The following SIL1 variants were observed in gnomAD, a reference collection of about 807,000 sequenced individuals.
The protein encoded by SIL1 is nucleotide exchange factor SIL1.
A neutral mutation model predicts 49.1 loss-of-function variants in SIL1; 40 were observed. The observed-to-expected ratio is 0.81, with a 90% confidence interval of 0.63 to 1.06. SIL1 has a LOEUF of 1.06. SIL1 is among the 50% of genes least tolerant of loss of function. SIL1 has a pLI of 0.00. For missense variants in SIL1, 500 were observed against 572.6 expected (o/e 0.87, Z 1.29); for synonymous variants, 253 against 250.8 (o/e 1.01, Z -0.08).
chr5:138,948,333 T>C lies in SIL1; in HGVS notation c.1030-860A>G, dbSNP rs1367864136. Among the ~76,000 whole-genome samples, 1 of 152,102 alleles carries C rather than the reference T, an allele frequency of 6.6e-6. No homozygotes were observed. Among genetic ancestry groups the C allele is most frequent in the Non-Finnish European group, 1.5e-5 (1 of 68,024 alleles). On this transcript the variant is annotated intron_variant, in intron 9 of 9. Transcript: ENST00000394817. This position sits in a 1 kb window ranked among gnomAD's most constrained non-coding sequence, Gnocchi z 4.8. ...AGGTATCCCCTAGTCCTTTCCTACT[T>C]CACCCCTCAGTCCTGCCAGCTTCGC...
intron 7 of SIL1, among the ~76,000 whole-genome samples, chr5:139,004,154 C>T (rs140156039): frequency 4.5e-4 from 68 of 152,244 alleles, no homozygotes; most frequent in African/African-American, 1.5e-3. Flanking sequence ...CATTATTATT[C>T]GCCTGCTTTA....
intron 1 of SIL1, among the ~76,000 whole-genome samples, chr5:139,164,060 A>G (rs923698840): frequency 6.6e-6 from 1 of 150,978 alleles, no homozygotes; most frequent in East Asian, 1.9e-4. Flanking sequence ...CAGAGGTTGC[A>G]GTAAGACAAG....
chr5:139,127,058 A>C, intron 2 of SIL1, among the ~76,000 whole-genome samples: 1 of 152,230 alleles, frequency 6.6e-6, no homozygotes, highest in Non-Finnish European at 1.5e-5. Context: ...TGCTGCAGCC[A>C]GGCCAAGCTC....
At chr5:139,118,909 C>G (rs1445207609) in intron 3 of SIL1, among the ~76,000 whole-genome samples, 1 of 152,210 alleles carries the variant, frequency 6.6e-6, no homozygotes, top group Non-Finnish European at 1.5e-5. Context: ...TCCCACCTAA[C>G]CTCCCCTCAC....
At chr5:139,056,645 G>T (rs1301617524) in intron 3 of SIL1, among the ~76,000 whole-genome samples, 1 of 142,750 alleles carries the variant, frequency 7.0e-6, no homozygotes, top group African/African-American at 2.9e-5. Flanking sequence ...GGAGGGAGGT[G>T]GGGGGGTCAG....
intron 7 of SIL1, among the ~76,000 whole-genome samples, chr5:138,977,678 C>T (rs144055116): frequency 3.9e-5 from 6 of 152,202 alleles, no homozygotes; most frequent in Non-Finnish European, 8.8e-5. Flanking sequence ...GATCTTGTTA[C>T]TCCCTTAATT....
At chr5:139,037,778 G>A (rs190197203) in intron 5 of SIL1, among the ~76,000 whole-genome samples, 1 of 152,106 alleles carries the variant, frequency 6.6e-6, no homozygotes, top group African/African-American at 2.4e-5. Flanking sequence ...TTTTATAATA[G>A]TTGTTTTAAA....
intron 3 of SIL1, among the ~76,000 whole-genome samples, chr5:139,098,748 A>G (rs1022175916): frequency 2.0e-5 from 3 of 152,008 alleles, no homozygotes; most frequent in African/African-American, 7.2e-5. Context: ...ACTATAGGAA[A>G]AACAAACTTA....
At chr5:138,985,974 C>A (rs556257905) in intron 7 of SIL1, among the ~76,000 whole-genome samples, 8 of 152,328 alleles carry the variant, frequency 5.3e-5, no homozygotes, top group Admixed American at 2.0e-4. Flanking sequence ...GGGCACCCAT[C>A]ATCCTAATGG....
rs183917313 is a variant in SIL1 at position 139,078,300 on chromosome 5, T to G, written c.245-27254A>C. On this transcript the variant is annotated intron_variant, in intron 3 of 9. Transcript: ENST00000394817. ...CTCTACCAAAAAAAAATTTTTTAAG[T>G]TACAAAGAATTATAATGGGCAAAAA... is the stretch of plus-strand genomic sequence containing the variant. Among the ~76,000 whole-genome samples, 469 of 152,052 alleles carry G rather than the reference T, an allele frequency of 3.1e-3. 1 individual carries two copies. Among genetic ancestry groups the G allele is most frequent in the African/African-American group, 0.011 (437 of 41,466 alleles).
At chr5:139,015,889 C>T (rs1768387161) in intron 7 of SIL1, among the ~76,000 whole-genome samples, 1 of 152,152 alleles carries the variant, frequency 6.6e-6, no homozygotes, top group South Asian at 2.1e-4. Context: ...TCTGCCTAAA[C>T]ATGTTGCTGC....
In SIL1 at chr5:138,947,512, G is replaced by T; in HGVS notation, c.1030-39C>A. On this transcript the variant is annotated intron_variant, in intron 9 of 9. Coordinates refer to ENST00000394817, the MANE Select transcript of SIL1 (RefSeq NM_022464.5). This position sits in a 1 kb window ranked among gnomAD's most constrained non-coding sequence, Gnocchi z 4.1. The stretch of plus-strand genomic sequence containing the variant: ...CAGCCGCAGGCCAGGTAGGGTGGGG[G>T]TGGGGAGAGAACACACAGGGAGCAG... 1 of 1,582,868 alleles carries T rather than the reference G, an allele frequency of 6.3e-7. No individual in the cohort carries two copies. Among genetic ancestry groups the T allele is most frequent in the Non-Finnish European group, 8.7e-7 (1 of 1,152,486 alleles).
chr5:139,191,375 C>T (rs1581162158), intron 1 of SIL1, among the ~76,000 whole-genome samples: 2 of 152,172 alleles, frequency 1.3e-5, no homozygotes, highest in South Asian at 4.1e-4. Flanking sequence ...TTATGTTATT[C>T]CACTGGGCTG....
chr5:139,178,394 C>A (rs540586176), intron 1 of SIL1, among the ~76,000 whole-genome samples: 2 of 152,214 alleles, frequency 1.3e-5, no homozygotes, highest in Non-Finnish European at 2.9e-5. Context: ...CACCAACTCT[C>A]CAAAGGCTTC....
chr5:139,164,013 G>A (rs1751568839), intron 1 of SIL1, among the ~76,000 whole-genome samples: 1 of 151,692 alleles, frequency 6.6e-6, no homozygotes. Flanking sequence ...CAGCTACTCG[G>A]GAGGCTAAGG....
At chr5:139,060,843 G>T (rs116431421) in intron 3 of SIL1, among the ~76,000 whole-genome samples, 2 of 152,120 alleles carry the variant, frequency 1.3e-5, no homozygotes, top group South Asian at 4.2e-4. Context: ...TTCTTGGAAC[G>T]TTAGGAAGGG....
chr5:139,035,729 A>G (rs568800766), intron 5 of SIL1: 180 of 201,420 alleles, frequency 8.9e-4, no homozygotes, highest in African/African-American at 4.1e-3. Flanking sequence ...GCTCACTGCA[A>G]GCTCCGCCTC....
At chr5:139,023,127 T>A (rs939370505) in intron 6 of SIL1, among the ~76,000 whole-genome samples, 2 of 152,244 alleles carry the variant, frequency 1.3e-5, no homozygotes, top group Non-Finnish European at 2.9e-5. Context: ...CAGACATTTA[T>A]ATAAGCACTT....
chr5:139,002,904 G>A (rs1357118503), intron 7 of SIL1, among the ~76,000 whole-genome samples: 1 of 152,146 alleles, frequency 6.6e-6, no homozygotes. Context: ...AGTGTCCTTA[G>A]GTTTGAACTT....
Sources: allele counts gnomAD v4.1 joint callset (sites outside exome capture counted in the v4.1 genomes callset), GRCh38; gene constraint gnomAD v4.1.1; non-coding constraint Gnocchi (gnomAD v3.1); transcripts MANE v1.5; gene names NCBI Gene and HGNC (gene_info 2026-07-23, HGNC 2026-07-21).